Variants in SEPTIN2 observed in about 807,000 individuals in gnomAD.
SEPTIN2 encodes the protein septin 2, also known as septin-2.
A neutral mutation model predicts 46.5 loss-of-function variants in SEPTIN2; 34 were observed. That is an observed-to-expected ratio of 0.73 (90% CI 0.56 to 0.97). The LOEUF (loss-of-function observed/expected upper bound fraction) is 0.97, where lower values mean the gene tolerates loss of function less well. Ranked by LOEUF, SEPTIN2 falls within the 50% of genes least tolerant of loss-of-function variation. The pLI is 0.00. For missense variants in SEPTIN2, 347 were observed against 448.4 expected (o/e 0.77, Z 2.04); for synonymous variants, 175 against 153.4 (o/e 1.14, Z -1.04).
intron 4 of SEPTIN2, 193 bp from the exon 5 acceptor site, chr2:241,335,782 T>A: frequency 1.6e-6 from 1 of 645,090 alleles, no homozygotes; most frequent in South Asian, 2.0e-5. Context: ...CCTTCCCCAG[T>A]AGCACAATAA....
intron 1 of SEPTIN2, chr2:241,320,384 A>G (rs750143105): frequency 4.5e-6 from 2 of 448,350 alleles, no homozygotes; most frequent in South Asian, 3.3e-5. Flanking sequence ...TTTTTTCTGC[A>G]TTTTCAGATT....
intron 7 of SEPTIN2, among the ~76,000 whole-genome samples, chr2:241,338,893 TTATA>T (rs1215527650): frequency 2.5e-5 from 2 of 80,678 alleles, no homozygotes; most frequent in African/African-American, 1.1e-4. Context: ...ATAATATATA[TTATA>T]TATATTATAT....
chr2:241,337,427 C>T lies in SEPTIN2; in HGVS notation c.387C>T (p.Tyr129=), dbSNP rs1419894864. 4 of 1,613,814 alleles carry T rather than the reference C, an allele frequency of 2.5e-6. No homozygotes were observed. The highest frequency in any genetic ancestry group is 3.4e-6 in the Non-Finnish European group (4 of 1,179,926). ...ATATTGATGAGCAATTTGAGAGGTA[C>T]CTGCATGACGAGAGCGGCTTGAACA... ...ISYIDEQFER[Y]LHDESGLNRR... The change falls in exon 6 of 13, where the codon TAC becomes TAT. Residue 129 remains tyrosine, a synonymous_variant. Transcript: ENST00000391971.
chr2:241,339,965 A>G (rs1221863390), intron 7 of SEPTIN2, among the ~76,000 whole-genome samples: 1 of 152,250 alleles, frequency 6.6e-6, no homozygotes, highest in Non-Finnish European at 1.5e-5. Context: ...TGTCTGGCAC[A>G]TAATAGATTT....
At chr2:241,337,640 T>C in intron 6 of SEPTIN2, 33 bp from the exon 7 acceptor site, 1 of 1,590,796 alleles carries the variant, frequency 6.3e-7, no homozygotes, top group Non-Finnish European at 8.6e-7. Flanking sequence ...TGTATTTTTT[T>C]TAAATAAGTG....
chr2:241,324,510 C>G (rs1363283837), intron 2 of SEPTIN2: 1 of 472,236 alleles, frequency 2.1e-6, no homozygotes, highest in Admixed American at 3.2e-5. Context: ...GGCTCAGCCT[C>G]CGGAGTAGCT....
intron 10 of SEPTIN2, 67 bp from the exon 11 acceptor site, chr2:241,348,066 AT>A (rs933502173): frequency 8.4e-5 from 107 of 1,267,014 alleles, no homozygotes; most frequent in South Asian, 1.3e-4. Flanking sequence ...TTAAAGTAGA[AT>A]TTTTTGGGGG....
Position 241,331,657 on chromosome 2 carries a change from C to T in SEPTIN2, c.131-3469C>T, listed in dbSNP as rs147390814. ...CCACCCTTCTCAGCCTCCCAAAGTA[C>T]AAGGATTACTACTGGCATGAGCCAC... On this transcript the variant is annotated intron_variant, in intron 3 of 12. Coordinates refer to ENST00000391971, the MANE Select transcript of SEPTIN2 (RefSeq NM_004404.5). 5.1e-3 allele frequency among the ~76,000 whole-genome samples: 779 copies of T among 152,322 alleles called. 4 individuals carry two copies. The highest frequency in any genetic ancestry group is 0.018 in the African/African-American group (745 of 41,570).
At chr2:241,342,691 A>C (rs1362086571) in intron 7 of SEPTIN2, among the ~76,000 whole-genome samples, 3 of 151,886 alleles carry the variant, frequency 2.0e-5, no homozygotes, top group African/African-American at 4.8e-5. Context: ...GTCCACTGCC[A>C]CGCTTAGCTA....
chr2:241,346,353 G>A, intron 10 of SEPTIN2, 104 bp downstream of exon 10: 1 of 759,890 alleles, frequency 1.3e-6, no homozygotes, highest in Non-Finnish European at 2.1e-6. Flanking sequence ...AAGCAACATG[G>A]TTTGGTTTCC....
At chr2:241,345,484 G>GA (rs1384296193) in intron 9 of SEPTIN2, among the ~76,000 whole-genome samples, 1 of 152,196 alleles carries the variant, frequency 6.6e-6, no homozygotes, top group Non-Finnish European at 1.5e-5. Flanking sequence ...GAGGTAGAGT[G>GA]AGCCACTCCT....
chr2:241,345,490 C>T (rs1337542160), intron 9 of SEPTIN2, among the ~76,000 whole-genome samples: 1 of 152,186 alleles, frequency 6.6e-6, no homozygotes, highest in East Asian at 1.9e-4. Context: ...GAGTGAGCCA[C>T]TCCTTGGCTA....
chr2:241,326,479 A>G (rs1006541175), intron 3 of SEPTIN2, among the ~76,000 whole-genome samples: 1 of 139,444 alleles, frequency 7.2e-6, no homozygotes, highest in Non-Finnish European at 1.5e-5. Context: ...ATTTTCTAAG[A>G]CTAGGTCATA....
chr2:241,336,104 C>G lies in SEPTIN2; in HGVS notation c.341+6C>G, dbSNP rs2079925340. ...GCTATCAACTGCAGAGATTGGTATGCTCCCCCATGCCCAGGGATCTGCATT... is the reference window on the plus strand; with the variant it reads ...GCTATCAACTGCAGAGATTGGTATGGTCCCCCATGCCCAGGGATCTGCATT... On this transcript the variant is annotated splice_donor_region_variant and intron_variant, in intron 5 of 12. Coordinates refer to ENST00000391971, the MANE Select transcript of SEPTIN2 (RefSeq NM_004404.5). 2 of 1,613,426 alleles carry G rather than the reference C, an allele frequency of 1.2e-6. No individual in the cohort carries two copies. The highest frequency in any genetic ancestry group is 2.7e-5 in the African/African-American group (2 of 75,030).
intron 1 of SEPTIN2, among the ~76,000 whole-genome samples, chr2:241,322,883 C>T (rs1036304445): frequency 6.6e-6 from 1 of 151,998 alleles, no homozygotes; most frequent in African/African-American, 2.4e-5. Flanking sequence ...TTCCAGAGGT[C>T]AGGGAAGTAT....
At chr2:241,349,646 C>T (rs1291191997) in intron 11 of SEPTIN2, among the ~76,000 whole-genome samples, 1 of 151,938 alleles carries the variant, frequency 6.6e-6, no homozygotes, top group African/African-American at 2.4e-5. Flanking sequence ...TGTGGTGAAA[C>T]CCCGTCTCTA....
chr2:241,329,226 C>T (rs897571752), intron 3 of SEPTIN2, among the ~76,000 whole-genome samples: 4 of 151,704 alleles, frequency 2.6e-5, no homozygotes, highest in South Asian at 2.1e-4. Flanking sequence ...CCCGGGTTCA[C>T]GCCATTCTCC....
intron 3 of SEPTIN2, among the ~76,000 whole-genome samples, chr2:241,329,002 A>G (rs961770211): frequency 1.3e-5 from 2 of 152,072 alleles, no homozygotes; most frequent in Non-Finnish European, 2.9e-5. Flanking sequence ...CCTGGGCAAC[A>G]AGAGTGAAAC....
At chr2:241,317,572 C>A (rs950863606) in intron 1 of SEPTIN2, 1 of 981,332 alleles carries the variant, frequency 1.0e-6, no homozygotes. Flanking sequence ...AATGGGGACA[C>A]CAAAACTCAT....
Sources: gnomAD v4.1 joint callset for allele counts (sites outside exome capture counted in the v4.1 genomes callset) on GRCh38, gnomAD v4.1.1 for gene constraint, MANE v1.5 for transcripts, NCBI Gene and HGNC (gene_info 2026-07-23, HGNC 2026-07-21) for gene names.